The following TSPAN5 variants were observed in gnomAD, a reference collection of about 807,000 sequenced individuals.
TSPAN5 encodes the protein tetraspanin-5.
TSPAN5 carries 10 observed loss-of-function variants against 37.1 expected under a neutral mutation model. The observed-to-expected ratio is 0.27, with a 90% CI of 0.17 to 0.46. The LOEUF (loss-of-function observed/expected upper bound fraction) is 0.46. TSPAN5 is among the 20% of genes least tolerant of loss of function. The probability of loss-of-function intolerance (pLI) is 1.00; values close to 1 mark genes in which losing one functional copy is unlikely to be tolerated. For missense variants in TSPAN5, 195 were observed against 326.6 expected (o/e 0.60, Z 3.11); for synonymous variants, 110 against 118.9 (o/e 0.93, Z 0.48).
At chr4:98,474,916 G>A (rs1028685411) in intron 7 of TSPAN5, among the ~76,000 whole-genome samples, 2 of 152,212 alleles carry the variant, frequency 1.3e-5, no homozygotes, top group African/African-American at 4.8e-5. Context: ...CTGGGCTCAA[G>A]CCATCCTCCT....
At position 98,532,736 on chromosome 4, in the gene TSPAN5, G is replaced by T. The variant is rs189020893; in HGVS notation, c.82-25008C>A. Among the ~76,000 whole-genome samples the T allele has an allele frequency of 2.6e-4, 40 of 152,268 alleles. No individual in the cohort carries two copies. In the East Asian group the frequency reaches 7.3e-3, roughly 28 times the overall value. On this transcript the variant is annotated intron_variant, in intron 1 of 7. Coordinates refer to ENST00000305798, the MANE Select transcript of TSPAN5 (RefSeq NM_005723.4). ...GAACTTCCAATACTATGTTGAATAG[G>T]AGTGGTGAGAGAGGGCATCCCTGTC...
chr4:98,631,676 G>C (rs1756751848), intron 1 of TSPAN5, among the ~76,000 whole-genome samples: 1 of 152,136 alleles, frequency 6.6e-6, no homozygotes, highest in Non-Finnish European at 1.5e-5. Flanking sequence ...TATAGGATCT[G>C]ATAAAAATTA....
intron 1 of TSPAN5, among the ~76,000 whole-genome samples, chr4:98,525,062 A>G (rs1275367769): frequency 1.3e-5 from 2 of 152,206 alleles, no homozygotes; most frequent in Admixed American, 6.5e-5. Flanking sequence ...AGCTTCTTAA[A>G]TTAGATTTAA....
At chr4:98,618,556 A>G (rs754297204) in intron 1 of TSPAN5, among the ~76,000 whole-genome samples, 2 of 127,766 alleles carry the variant, frequency 1.6e-5, no homozygotes, top group Non-Finnish European at 3.3e-5. Context: ...AATTCTTCTA[A>G]CACCTCTGTT....
chr4:98,520,893 G>C (rs6840610), intron 1 of TSPAN5, among the ~76,000 whole-genome samples: 1 of 148,460 alleles, frequency 6.7e-6, no homozygotes, highest in Admixed American at 6.7e-5. Context: ...ATTTCCAGAA[G>C]AGTTTGTGTG....
chr4:98,652,031 A>G (rs949386789), intron 1 of TSPAN5, among the ~76,000 whole-genome samples: 2 of 150,288 alleles, frequency 1.3e-5, no homozygotes, highest in Admixed American at 6.6e-5. Flanking sequence ...TTAATTTTTA[A>G]TTTTTTTTTG....
intron 1 of TSPAN5, among the ~76,000 whole-genome samples, chr4:98,577,930 T>C (rs1319933958): frequency 2.0e-5 from 3 of 152,234 alleles, no homozygotes; most frequent in Non-Finnish European, 4.4e-5. Context: ...AGCTACTTTT[T>C]AGAGATCTGT....
chr4:98,559,738 CAG>C (rs1299020077), intron 1 of TSPAN5, among the ~76,000 whole-genome samples: 2 of 152,218 alleles, frequency 1.3e-5, no homozygotes, highest in South Asian at 2.1e-4. Context: ...TATCTTCAGA[CAG>C]AGTCTCAACA....
chr4:98,565,022 G>C (rs929506960), intron 1 of TSPAN5, among the ~76,000 whole-genome samples: 3 of 152,128 alleles, frequency 2.0e-5, no homozygotes, highest in Non-Finnish European at 2.9e-5. Flanking sequence ...GGCCCTGGAA[G>C]TGCTACAACA....
intron 1 of TSPAN5, among the ~76,000 whole-genome samples, chr4:98,556,587 G>A (rs997224585): frequency 6.6e-6 from 1 of 152,112 alleles, no homozygotes; most frequent in Non-Finnish European, 1.5e-5. Context: ...TAAACTAACT[G>A]GTTGTGTCCA....
Position 98,658,255 on chromosome 4 carries a change from GGCAGCCC to G in TSPAN5, c.-36_-30del. 6.3e-7 allele frequency: 1 copy of G among 1,595,102 alleles called. No individual in the cohort carries two copies. The highest frequency in any genetic ancestry group is 1.1e-5 in the South Asian group (1 of 90,698). ...CTGGGTTCATGAAGACACTTGCCCC[GGCAGCCC>G]GAGTTTGGAGCTCCGAAGCACCGTT... On this transcript the variant is annotated 5_prime_UTR_variant, in exon 1 of 8. Transcript: ENST00000305798.
At chr4:98,526,570 G>A (rs1254978365) in intron 1 of TSPAN5, among the ~76,000 whole-genome samples, 7 of 152,180 alleles carry the variant, frequency 4.6e-5, no homozygotes. Flanking sequence ...TCACCATAGA[G>A]ATAAGTTATG....
chr4:98,475,203 G>GA (rs1489949954), intron 7 of TSPAN5, among the ~76,000 whole-genome samples: 1 of 152,184 alleles, frequency 6.6e-6, no homozygotes, highest in Non-Finnish European at 1.5e-5. Flanking sequence ...TTGCTAAAAA[G>GA]GTGGTTACAA....
chr4:98,654,056 C>A (rs1280262645), intron 1 of TSPAN5, among the ~76,000 whole-genome samples: 1 of 152,152 alleles, frequency 6.6e-6, no homozygotes, highest in African/African-American at 2.4e-5. Flanking sequence ...GGTAGGTGCT[C>A]CAGTGACAAC....
chr4:98,508,330 G>A (rs1753523411), intron 1 of TSPAN5, among the ~76,000 whole-genome samples: 1 of 152,030 alleles, frequency 6.6e-6, no homozygotes, highest in South Asian at 2.1e-4. Flanking sequence ...TTTTGACTCA[G>A]TTCCACAACT....
chr4:98,644,567 T>C (rs151279128), intron 1 of TSPAN5, among the ~76,000 whole-genome samples: 2,163 of 152,276 alleles, frequency 0.014, 42 homozygotes, highest in African/African-American at 0.049. Context: ...GCAGGTTACA[T>C]ATGTATACAT....
chr4:98,639,716 G>A (rs1257637806), intron 1 of TSPAN5, among the ~76,000 whole-genome samples: 4 of 152,132 alleles, frequency 2.6e-5, no homozygotes, highest in Admixed American at 2.6e-4. Context: ...CCCAGCTTTT[G>A]CTTCTTTCCT....
chr4:98,576,394 T>G (rs6532751), intron 1 of TSPAN5, among the ~76,000 whole-genome samples: 106,962 of 152,034 alleles, frequency 0.7, 37,751 homozygotes, highest in South Asian at 0.87. Flanking sequence ...TCAACCAAAT[T>G]AGATTGTCTG....
rs1209711537 is a variant in TSPAN5 at position 98,658,238 on chromosome 4, A to AT, written c.-13dup. The AT allele has an allele frequency of 5.6e-6, 9 of 1,612,064 alleles. No homozygotes were observed. Among genetic ancestry groups the AT allele is most frequent in the Non-Finnish European group, 7.6e-6 (9 of 1,178,246 alleles). On this transcript the variant is annotated 5_prime_UTR_variant, in exon 1 of 8. In the 5' UTR this introduces an upstream ATG that the reference lacks. Transcript: ENST00000305798. ...TGCTTCCCGGACATCCTCTGGGTTC[A>AT]TGAAGACACTTGCCCCGGCAGCCCG...
Sources: allele counts gnomAD v4.1 joint callset (sites outside exome capture counted in the v4.1 genomes callset), GRCh38; gene constraint gnomAD v4.1.1; transcripts MANE v1.5; gene names NCBI Gene and HGNC (gene_info 2026-07-23, HGNC 2026-07-21).